The following CD96 variants were observed in gnomAD, a reference collection of about 807,000 sequenced individuals.
CD96 encodes CD96 molecule.
A neutral mutation model predicts 71.3 loss-of-function variants in CD96; 70 were observed. That is an observed-to-expected ratio of 0.98 (90% CI 0.81 to 1.20). The LOEUF is 1.20. CD96 is among the 50% of genes most tolerant of loss of function. The probability of loss-of-function intolerance (pLI) is 0.00; values close to 1 mark genes in which losing one functional copy is unlikely to be tolerated. For missense variants in CD96, 742 were observed against 677.5 expected (o/e 1.10, Z -1.06); for synonymous variants, 248 against 233.0 (o/e 1.06, Z -0.59).
chr3:111,577,836 T>G (rs1342706141), intron 3 of CD96, among the ~76,000 whole-genome samples: 1 of 152,194 alleles, frequency 6.6e-6, no homozygotes, highest in African/African-American at 2.4e-5. Flanking sequence ...AATTCATAGA[T>G]CTTATCATTA....
Position 111,600,843 on chromosome 3 carries a change from G to A in CD96, c.1016G>A (p.Cys339Tyr), listed in dbSNP as rs750187437. The A allele has an allele frequency of 1.9e-6, 3 of 1,612,892 alleles. No individual in the cohort carries two copies. In the African/African-American group the frequency reaches 4.0e-5, roughly 22 times the overall value. ...PAQSDNLTIW[C>Y]MALSPVPGNK... is the part of the protein sequence containing the mutation. ...CAATCAGACAACTTGACCATTTGGTGTATGGCTCTGTCTCCAGTCCCAGGA... is the reference window on the plus strand; with the variant it reads ...CAATCAGACAACTTGACCATTTGGTATATGGCTCTGTCTCCAGTCCCAGGA... Residue 339 changes from cysteine to tyrosine, a missense_variant, in exon 7 of 14, where the codon TGT (cysteine) becomes TAT (tyrosine). Transcript: ENST00000352690.
intron 13 of CD96, among the ~76,000 whole-genome samples, chr3:111,648,442 A>G (rs1939934400): frequency 6.6e-6 from 1 of 152,198 alleles, no homozygotes; most frequent in Non-Finnish European, 1.5e-5. Context: ...TGAACAAAAC[A>G]CTAAACCAGT....
chr3:111,549,532 C>T (rs749089349), intron 2 of CD96, among the ~76,000 whole-genome samples: 1 of 151,976 alleles, frequency 6.6e-6, no homozygotes, highest in Non-Finnish European at 1.5e-5. Flanking sequence ...AAGGCAGAGA[C>T]GATAGTGTGG....
At chr3:111,664,296 G>A (rs1940429222) in intron 14 of CD96, among the ~76,000 whole-genome samples, 1 of 152,016 alleles carries the variant, frequency 6.6e-6, no homozygotes, top group Admixed American at 6.6e-5. Context: ...AAAAAATGTG[G>A]TACATATACA....
intron 5 of CD96, 61 bp from the exon 6 acceptor site, chr3:111,598,059 T>G (rs1387600921): frequency 1.3e-6 from 1 of 796,418 alleles, no homozygotes. Flanking sequence ...TGTTAGTAAG[T>G]TGTAAGGAGT....
chr3:111,576,675 T>G (rs892077649), intron 3 of CD96, among the ~76,000 whole-genome samples: 2 of 152,202 alleles, frequency 1.3e-5, no homozygotes, highest in African/African-American at 4.8e-5. Context: ...TCTACATAGT[T>G]GTAAGAAGTA....
At position 111,652,011 on chromosome 3, in the gene CD96, G is replaced by A. The variant is rs1940105456; in HGVS notation, c.*2205G>A. 6.6e-6 allele frequency: 1 copy of A among 152,132 alleles called. No homozygotes were observed. The highest frequency in any genetic ancestry group is 1.5e-5 in the Non-Finnish European group (1 of 68,048). 9.4% of individuals were successfully genotyped at this position (152,132 alleles called of 1,614,324 possible). A position where few individuals can be genotyped will look rare whatever the true frequency, so the allele number is the denominator to read the frequency against. On this transcript the variant is annotated 3_prime_UTR_variant, in exon 14 of 14. Coordinates refer to ENST00000352690, the MANE Select transcript of CD96 (RefSeq NM_005816.5). ...AGCCATCTTGGAAGCAGATCCTCCA[G>A]CCTCCAGTCAAGTCTTCAGATAATT...
At chr3:111,544,963 C>T (rs953188035) in intron 1 of CD96, 83 bp from the exon 2 acceptor site, 2 of 1,180,066 alleles carry the variant, frequency 1.7e-6, no homozygotes, top group African/African-American at 1.5e-5. Flanking sequence ...CTCCCCTCAC[C>T]TTACTGAAGT....
At chr3:111,547,640 C>A (rs1934480340) in intron 2 of CD96, among the ~76,000 whole-genome samples, 1 of 152,086 alleles carries the variant, frequency 6.6e-6, no homozygotes, top group African/African-American at 2.4e-5. Flanking sequence ...ATAAAGAGAA[C>A]CAAGGGAGTT....
At chr3:111,636,607 G>A (rs1939340411) in intron 10 of CD96, among the ~76,000 whole-genome samples, 1 of 152,194 alleles carries the variant, frequency 6.6e-6, no homozygotes, top group African/African-American at 2.4e-5. Flanking sequence ...TGCTGTCTGA[G>A]TTTGCTGCCA....
chr3:111,550,048 A>C (rs1172692732), intron 2 of CD96, among the ~76,000 whole-genome samples: 1 of 152,128 alleles, frequency 6.6e-6, no homozygotes, highest in African/African-American at 2.4e-5. Flanking sequence ...ACGGATGGAG[A>C]AAGGTGAGTC....
At chr3:111,610,496 T>C (rs1183556899) in intron 8 of CD96, among the ~76,000 whole-genome samples, 1 of 152,216 alleles carries the variant, frequency 6.6e-6, no homozygotes, top group Non-Finnish European at 1.5e-5. Flanking sequence ...CATCCAATTC[T>C]TATTTTTTCC....
chr3:111,585,317 T>C lies in CD96; in HGVS notation c.752-6T>C, dbSNP rs748742845. The stretch of plus-strand genomic sequence containing the variant: ...TGCCACTAACTATGTTTTATTTGCC[T>C]TTAAGCTAAACCAGAAATCCCTGTG... On this transcript the variant is annotated splice_region_variant and splice_polypyrimidine_tract_variant and intron_variant, in intron 4 of 13. Transcript: ENST00000352690. The C allele has an allele frequency of 1.2e-6, 2 of 1,605,240 alleles. No individual in the cohort carries two copies. The highest frequency in any genetic ancestry group is 1.7e-6 in the Non-Finnish European group (2 of 1,172,104).
Position 111,600,820 on chromosome 3 carries a change from A to G in CD96, c.993A>G (p.Gln331=), listed in dbSNP as rs776922863. 6 of 1,613,090 alleles carry G rather than the reference A, an allele frequency of 3.7e-6. No individual in the cohort carries two copies. In the South Asian group the frequency reaches 5.5e-5, roughly 15 times the overall value. The change falls in exon 7 of 14, where the codon CAA becomes CAG. Residue 331 remains glutamine (Q), a synonymous_variant. Coordinates refer to ENST00000352690, the MANE Select transcript of CD96 (RefSeq NM_005816.5). ...GGGTACATAGTAATAAACCAGCCCAATCAGACAACTTGACCATTTGGTGTA... is the reference window on the plus strand; with the variant it reads ...GGGTACATAGTAATAAACCAGCCCAGTCAGACAACTTGACCATTTGGTGTA... ...LTRVHSNKPA[Q]SDNLTIWCMA... is the part of the protein sequence containing the mutation.
At chr3:111,614,332 C>T (rs976945560) in intron 8 of CD96, among the ~76,000 whole-genome samples, 2 of 152,050 alleles carry the variant, frequency 1.3e-5, no homozygotes, top group African/African-American at 2.4e-5. Flanking sequence ...TGGGGAATGG[C>T]GTAAGAAGAA....
chr3:111,635,455 A>G (rs1442072732), intron 10 of CD96, among the ~76,000 whole-genome samples: 3 of 152,234 alleles, frequency 2.0e-5, no homozygotes, highest in Non-Finnish European at 4.4e-5. Flanking sequence ...AAGTCCAAAA[A>G]GAAGTTTCAT....
intron 14 of CD96, among the ~76,000 whole-genome samples, chr3:111,660,208 C>A (rs1393257739): frequency 2.0e-5 from 3 of 152,166 alleles, no homozygotes; most frequent in Non-Finnish European, 4.4e-5. Flanking sequence ...AGTAGCATTT[C>A]TATGCACCAG....
intron 8 of CD96, among the ~76,000 whole-genome samples, chr3:111,609,165 A>T (rs1198355908): frequency 6.6e-6 from 1 of 152,218 alleles, no homozygotes; most frequent in East Asian, 1.9e-4. Context: ...AGTGACAAAG[A>T]TGTTTATGGG....
rs1317834321 is a variant in CD96 at position 111,651,281 on chromosome 3, C to A, written c.*1475C>A. 2 of 152,178 alleles carry A rather than the reference C, an allele frequency of 1.3e-5. No individual in the cohort carries two copies. The highest frequency in any genetic ancestry group is 4.8e-5 in the African/African-American group (2 of 41,426). The allele number at this position is 152,178 out of a possible 1,614,324, so 9.4% of individuals were successfully genotyped here. A position where few individuals can be genotyped will look rare whatever the true frequency, so the allele number is the denominator to read the frequency against. On this transcript the variant is annotated 3_prime_UTR_variant, in exon 14 of 14. Transcript: ENST00000352690. ...TGTTCTTGCCTCCTACTATTCACAT[C>A]TTTATGTGGTCCCCTCCAATGCTGA... is the stretch of plus-strand genomic sequence containing the variant.
Sources: allele counts gnomAD v4.1 joint callset (sites outside exome capture counted in the v4.1 genomes callset), GRCh38; gene constraint gnomAD v4.1.1; transcripts MANE v1.5; gene names NCBI Gene and HGNC (gene_info 2026-07-23, HGNC 2026-07-21).